Variants in BICRAL observed in about 807,000 individuals in gnomAD.
BICRAL encodes BRD4-interacting chromatin-remodeling complex-associated protein-like.
A neutral mutation model predicts 91.8 loss-of-function variants in BICRAL; 8 were observed. The ratio of observed to expected loss-of-function variants is 0.09; its 90% CI spans 0.05 to 0.16. The LOEUF (loss-of-function observed/expected upper bound fraction) is 0.16. Among genes scored for constraint, BICRAL ranks in the 10% least tolerant of loss-of-function variants. The pLI is 1.00. For missense variants in BICRAL, 1,038 were observed against 1,310.9 expected (o/e 0.79, Z 3.21); for synonymous variants, 445 against 491.1 (o/e 0.91, Z 1.24).
chr6:42,787,337 C>T (rs372039834), intron 1 of BICRAL, among the ~76,000 whole-genome samples: 6 of 152,182 alleles, frequency 3.9e-5, no homozygotes, highest in African/African-American at 1.4e-4. Flanking sequence ...GGGAGGCATC[C>T]AAGCGGAGAG....
chr6:42,836,271 A>G (rs546611808), intron 6 of BICRAL, among the ~76,000 whole-genome samples: 5 of 152,258 alleles, frequency 3.3e-5, no homozygotes, highest in East Asian at 1.9e-4. Flanking sequence ...CTTCTTTGCT[A>G]TATAATAAAT....
chr6:42,778,693 T>A (rs1301412021), upstream of BICRAL, among the ~76,000 whole-genome samples: 1 of 152,172 alleles, frequency 6.6e-6, no homozygotes, highest in African/African-American at 2.4e-5. Flanking sequence ...TACTGTTTTA[T>A]TGGAGGGCCC....
chr6:42,801,879 T>A (rs1763583313), intron 1 of BICRAL, among the ~76,000 whole-genome samples: 1 of 134,168 alleles, frequency 7.5e-6, no homozygotes. Context: ...TGAGACTCCA[T>A]CTCAAAAAAA....
intron 1 of BICRAL, among the ~76,000 whole-genome samples, chr6:42,809,391 T>TA (rs1194799570): frequency 6.6e-6 from 1 of 152,034 alleles, no homozygotes; most frequent in Non-Finnish European, 1.5e-5. Context: ...GAGGGTCGTT[T>TA]ATTGCCTATG....
chr6:42,819,121 C>T (rs903041323), intron 2 of BICRAL, among the ~76,000 whole-genome samples: 1 of 152,106 alleles, frequency 6.6e-6, no homozygotes, highest in East Asian at 1.9e-4. Context: ...TGGGGTCAGC[C>T]ACCCATCTAG....
intron 1 of BICRAL, among the ~76,000 whole-genome samples, chr6:42,796,817 C>T (rs941320095): frequency 3.3e-5 from 5 of 151,928 alleles, no homozygotes; most frequent in African/African-American, 9.7e-5. Context: ...GAGGCCAAGG[C>T]GGGTGGATCA....
At chr6:42,788,264 G>T (rs1003010093) in intron 1 of BICRAL, among the ~76,000 whole-genome samples, 1 of 120,348 alleles carries the variant, frequency 8.3e-6, no homozygotes, top group East Asian at 2.4e-4. Flanking sequence ...TGCTCTTGTT[G>T]CCCAGGCTGG....
chr6:42,851,180 G>A (rs555462200), intron 6 of BICRAL, among the ~76,000 whole-genome samples: 18 of 151,998 alleles, frequency 1.2e-4, no homozygotes, highest in Admixed American at 7.2e-4. Context: ...GAGAGACTCC[G>A]TCTCAAAAAA....
upstream of BICRAL, among the ~76,000 whole-genome samples, chr6:42,780,484 TTC>T (rs1374641449): frequency 2.0e-5 from 3 of 152,182 alleles, no homozygotes; most frequent in Non-Finnish European, 2.9e-5. Context: ...CAGCTGAGCA[TTC>T]TGTTTATCAG....
At chr6:42,768,297 A>C (rs940715678) in intron 1 of BICRAL, among the ~76,000 whole-genome samples, 1 of 152,250 alleles carries the variant, frequency 6.6e-6, no homozygotes, top group African/African-American at 2.4e-5. Flanking sequence ...TCCATTAATA[A>C]TCAAAAGATT....
At chr6:42,806,229 C>T (rs1403417812) in intron 1 of BICRAL, among the ~76,000 whole-genome samples, 4 of 152,158 alleles carry the variant, frequency 2.6e-5, no homozygotes, top group African/African-American at 9.7e-5. Flanking sequence ...TTGCAGGTCC[C>T]ACCTGACTCC....
rs186272577 is a variant in BICRAL at position 42,848,885 on chromosome 6, C to G, written c.1840-3207C>G. On this transcript the variant is annotated intron_variant, in intron 6 of 12. Transcript: ENST00000314073. The stretch of plus-strand genomic sequence containing the variant: ...GTACTCACGGCTGGGCTTGGTGGCT[C>G]AAGCCTGGCCAGGACACCTGTCCAG... Among the ~76,000 whole-genome samples, 85 of 152,266 alleles carry G rather than the reference C, an allele frequency of 5.6e-4. No individual in the cohort carries two copies. In the East Asian group the frequency reaches 0.016, roughly 29 times the overall value.
intron 1 of BICRAL, among the ~76,000 whole-genome samples, chr6:42,784,356 A>G (rs963926290): frequency 6.6e-6 from 1 of 152,210 alleles, no homozygotes; most frequent in African/African-American, 2.4e-5. Flanking sequence ...GGAAAGGTCT[A>G]TAAAGCTCTG....
At chr6:42,793,732 C>A (rs1277470238) in intron 1 of BICRAL, among the ~76,000 whole-genome samples, 1 of 149,082 alleles carries the variant, frequency 6.7e-6, no homozygotes. Flanking sequence ...ATGTTTTTGG[C>A]GCTACTTCTA....
intron 1 of BICRAL, among the ~76,000 whole-genome samples, chr6:42,753,208 T>C (rs1032649710): frequency 2.2e-4 from 34 of 151,834 alleles, no homozygotes; most frequent in African/African-American, 7.7e-4. Context: ...ATTACAGGCA[T>C]GAGCCACCAT....
intron 1 of BICRAL, among the ~76,000 whole-genome samples, chr6:42,798,589 G>A (rs1763483923): frequency 6.6e-6 from 1 of 152,042 alleles, no homozygotes; most frequent in Admixed American, 6.6e-5. Context: ...CCAGCTACTC[G>A]GGAGGCTGAG....
At chr6:42,779,185 C>G (rs1762844832), upstream of BICRAL, among the ~76,000 whole-genome samples, 1 of 150,472 alleles carries the variant, frequency 6.6e-6, no homozygotes, top group Admixed American at 6.7e-5. Context: ...CCTCTGCACT[C>G]CAGCCTGAGT....
At chr6:42,766,298 T>G (rs1762632049) in intron 1 of BICRAL, among the ~76,000 whole-genome samples, 1 of 152,076 alleles carries the variant, frequency 6.6e-6, no homozygotes, top group African/African-American at 2.4e-5. Context: ...GAGAGAGAGA[T>G]GAAGAGTTGG....
At chr6:42,795,523 G>T (rs1763394535) in intron 1 of BICRAL, among the ~76,000 whole-genome samples, 1 of 152,094 alleles carries the variant, frequency 6.6e-6, no homozygotes, top group African/African-American at 2.4e-5. Context: ...AAATTCCCAA[G>T]ATATAATTAT....
Sources: gnomAD v4.1 joint callset for allele counts (sites outside exome capture counted in the v4.1 genomes callset) on GRCh38, gnomAD v4.1.1 for gene constraint, MANE v1.5 for transcripts, NCBI Gene and HGNC (gene_info 2026-07-23, HGNC 2026-07-21) for gene names.